Variants in LRRC4C observed in about 807,000 individuals in gnomAD.
The protein encoded by LRRC4C is leucine rich repeat containing 4C.
Under a neutral mutation model 33.6 loss-of-function variants are expected in LRRC4C, and 5 were observed. That is an observed-to-expected ratio of 0.15 (90% CI 0.08 to 0.31). LRRC4C has a LOEUF of 0.31. Ranked by LOEUF, LRRC4C falls within the 10% of genes least tolerant of loss-of-function variation. The pLI is 1.00. For missense variants in LRRC4C, 560 were observed against 796.7 expected (o/e 0.70, Z 3.58); for synonymous variants, 329 against 302.0 (o/e 1.09, Z -0.93).
intron 4 of LRRC4C, among the ~76,000 whole-genome samples, chr11:40,317,305 T>A (rs577697092): frequency 1.3e-5 from 2 of 151,150 alleles, no homozygotes; most frequent in Non-Finnish European, 2.9e-5. Context: ...TCTTTCCATT[T>A]CCTGATTATT....
At chr11:40,181,330 CTG>C in intron 5 of LRRC4C, among the ~76,000 whole-genome samples, 1 of 152,264 alleles carries the variant, frequency 6.6e-6, no homozygotes, top group East Asian at 1.9e-4. Flanking sequence ...AAAAAAGAGA[CTG>C]AGGTTTTTTT....
chr11:40,150,286 A>T (rs1271487304), intron 5 of LRRC4C, among the ~76,000 whole-genome samples: 1 of 152,230 alleles, frequency 6.6e-6, no homozygotes, highest in African/African-American at 2.4e-5. Flanking sequence ...TTTCCAAATA[A>T]GGTCACATCT....
chr11:41,433,040 C>T (rs1198860511), intron 1 of LRRC4C, among the ~76,000 whole-genome samples: 1 of 152,144 alleles, frequency 6.6e-6, no homozygotes, highest in Non-Finnish European at 1.5e-5. Flanking sequence ...GAAGGTCACC[C>T]TGTGTCTTCT....
At chr11:41,368,493 A>G (rs1952625827) in intron 1 of LRRC4C, among the ~76,000 whole-genome samples, 1 of 152,206 alleles carries the variant, frequency 6.6e-6, no homozygotes, top group South Asian at 2.1e-4. Context: ...TTATTAACAA[A>G]ACTGAATTAT....
chr11:40,171,615 TAAAG>T (rs1236290767), intron 5 of LRRC4C, among the ~76,000 whole-genome samples: 1 of 151,980 alleles, frequency 6.6e-6, no homozygotes, highest in Non-Finnish European at 1.5e-5. Flanking sequence ...CTCCTAGAAA[TAAAG>T]AGAGGAAACT....
chr11:41,391,263 T>C (rs1953582733), intron 1 of LRRC4C, among the ~76,000 whole-genome samples: 2 of 151,522 alleles, frequency 1.3e-5, no homozygotes, highest in African/African-American at 4.8e-5. Flanking sequence ...AATACACAAC[T>C]CAAGAAGAAA....
intron 2 of LRRC4C, among the ~76,000 whole-genome samples, chr11:40,910,088 G>C (rs1029003889): frequency 6.6e-5 from 10 of 152,002 alleles, no homozygotes; most frequent in African/African-American, 2.4e-4. Context: ...TTTAAAACTT[G>C]TTGGTCTCTA....
At chr11:40,404,560 C>T (rs1265266590) in intron 3 of LRRC4C, among the ~76,000 whole-genome samples, 3 of 152,048 alleles carry the variant, frequency 2.0e-5, no homozygotes, top group Non-Finnish European at 4.4e-5. Context: ...TGTGACTCCT[C>T]TGCCTGTATT....
At chr11:40,504,982 C>A (rs1022231136) in intron 3 of LRRC4C, among the ~76,000 whole-genome samples, 1 of 152,114 alleles carries the variant, frequency 6.6e-6, no homozygotes, top group Non-Finnish European at 1.5e-5. Flanking sequence ...ACAGAGTGGG[C>A]CATCTTCAGG....
At chr11:40,305,235 C>T (rs1944972797) in intron 4 of LRRC4C, among the ~76,000 whole-genome samples, 1 of 152,190 alleles carries the variant, frequency 6.6e-6, no homozygotes, top group African/African-American at 2.4e-5. Context: ...CAATTGGCTA[C>T]CCCATGTCTA....
intron 4 of LRRC4C, among the ~76,000 whole-genome samples, chr11:40,273,709 G>T (rs931945943): frequency 1.3e-5 from 2 of 152,106 alleles, no homozygotes; most frequent in Non-Finnish European, 1.5e-5. Flanking sequence ...TCAAAAAATT[G>T]TAAACACAGT....
chr11:40,541,086 C>A (rs1459468752), intron 3 of LRRC4C, among the ~76,000 whole-genome samples: 1 of 152,086 alleles, frequency 6.6e-6, no homozygotes, highest in East Asian at 1.9e-4. Context: ...AAATGAGGCA[C>A]ACAAAAAAAC....
intron 2 of LRRC4C, among the ~76,000 whole-genome samples, chr11:40,920,987 C>T (rs1048923435): frequency 6.6e-6 from 1 of 150,504 alleles, no homozygotes; most frequent in African/African-American, 2.4e-5. Context: ...GTGTCATCAT[C>T]ATGGCTCACT....
chr11:40,337,083 T>G (rs1314264466), intron 3 of LRRC4C, among the ~76,000 whole-genome samples: 3 of 149,402 alleles, frequency 2.0e-5, no homozygotes, highest in Non-Finnish European at 4.4e-5. Flanking sequence ...GAAGCGAGAC[T>G]TGTAAAATGA....
chr11:40,263,171 T>C (rs1941992385), intron 4 of LRRC4C, among the ~76,000 whole-genome samples: 1 of 152,000 alleles, frequency 6.6e-6, no homozygotes, highest in African/African-American at 2.4e-5. Context: ...ATTAAACTAT[T>C]ATTATCTGAG....
intron 3 of LRRC4C, among the ~76,000 whole-genome samples, chr11:40,584,382 T>C (rs1208935698): frequency 2.0e-5 from 3 of 151,384 alleles, no homozygotes; most frequent in Admixed American, 6.6e-5. Flanking sequence ...TTGCCCCAAA[T>C]TGAGAATCAC....
intron 1 of LRRC4C, among the ~76,000 whole-genome samples, chr11:41,099,711 A>G (rs1941046026): frequency 6.6e-6 from 1 of 152,206 alleles, no homozygotes; most frequent in African/African-American, 2.4e-5. Flanking sequence ...AGAGCTATCT[A>G]TGACAAACCC....
chr11:40,408,816 TA>T (rs1950053163), intron 3 of LRRC4C, among the ~76,000 whole-genome samples: 1 of 151,920 alleles, frequency 6.6e-6, no homozygotes, highest in Non-Finnish European at 1.5e-5. Context: ...AAGAATATGT[TA>T]AAATTTCTAC....
chr11:40,641,899 G>A (rs577286887), intron 3 of LRRC4C, among the ~76,000 whole-genome samples: 25 of 152,206 alleles, frequency 1.6e-4, no homozygotes, highest in Admixed American at 2.6e-4. Flanking sequence ...ATGTGATTCC[G>A]CAGTTTCATA....
Sources: allele counts gnomAD v4.1 joint callset (sites outside exome capture counted in the v4.1 genomes callset), GRCh38; gene constraint gnomAD v4.1.1; transcripts MANE v1.5; gene names NCBI Gene and HGNC (gene_info 2026-07-23, HGNC 2026-07-21).